Variants in ROCK2 observed in about 807,000 individuals in gnomAD.
ROCK2 encodes the protein rho-associated protein kinase 2.
A neutral mutation model predicts 195.1 loss-of-function variants in ROCK2; 61 were observed. The ratio of observed to expected loss-of-function variants is 0.31; its 90% CI spans 0.25 to 0.39. The LOEUF (loss-of-function observed/expected upper bound fraction) is 0.39. Among genes scored for constraint, ROCK2 ranks in the 10% least tolerant of loss-of-function variants. The probability of loss-of-function intolerance (pLI) is 1.00; values close to 1 mark genes in which losing one functional copy is unlikely to be tolerated. For synonymous variants in ROCK2, 504 were observed against 545.5 expected (o/e 0.92, Z 1.06); for missense variants, 1,109 against 1,637.4 (o/e 0.68, Z 5.57).
intron 32 of ROCK2, among the ~76,000 whole-genome samples, chr2:11,189,385 G>A (rs1168361751): frequency 6.6e-6 from 1 of 152,138 alleles, no homozygotes; most frequent in Non-Finnish European, 1.5e-5. Flanking sequence ...CTTTAGTCCA[G>A]TAGAATGTTA....
At chr2:11,306,598 C>A (rs1247558515) in intron 1 of ROCK2, among the ~76,000 whole-genome samples, 2 of 152,144 alleles carry the variant, frequency 1.3e-5, no homozygotes, top group Non-Finnish European at 2.9e-5. Context: ...CCTTTAAACA[C>A]AAGGGATTTA....
rs1306593128 is a variant in ROCK2 at position 11,192,666 on chromosome 2, G to A, written c.3734C>T (p.Pro1245Leu). 3 of 1,613,778 alleles carry A rather than the reference G, an allele frequency of 1.9e-6. No homozygotes were observed. Among genetic ancestry groups the A allele is most frequent in the East Asian group, 4.5e-5 (2 of 44,876 alleles). ...AGATTTTTCTCCAACTGGCTCCACT[G>A]GAAATTCTTGTTCCTTCTTACTTTC... ...EGESKKEQEF[P>L]VEPVGEKSNY... The change falls in exon 31 of 33, where the codon CCA (proline) becomes CTA (leucine). Residue 1245 changes from proline to leucine, a missense_variant. By Grantham distance (98) the Pro-to-Leu change is moderately conservative. Around this residue, in one of 6 missense-constraint regions of ROCK2, gnomAD observed 221 missense variants for 355.1 expected, o/e 0.62. Transcript: ENST00000315872. The surrounding 1 kb of genome is among the most constrained non-coding windows in gnomAD (Gnocchi z 5.0).
intron 4 of ROCK2, among the ~76,000 whole-genome samples, chr2:11,244,505 A>G (rs373634949): frequency 3.9e-5 from 6 of 152,258 alleles, no homozygotes; most frequent in South Asian, 2.1e-4. Flanking sequence ...GCTCATGTCT[A>G]TAATAATCCC....
rs965392252 is a variant in ROCK2 at position 11,219,014 on chromosome 2, G to A, written c.1272C>T (p.Asp424=). ...AATCAGTTTCTCTACAAGATGGAGA[G>A]TCACTTAATAATCTACATGGAAGGG... ...TYYRENLLLS[D]SPSCRETDSI... is the part of the protein sequence containing the mutation. The change falls in exon 10 of 33, where the codon GAC becomes GAT. Residue 424 remains aspartate, a synonymous_variant. Transcript: ENST00000315872. 3 of 1,468,772 alleles carry A rather than the reference G, an allele frequency of 2.0e-6. No individual in the cohort carries two copies. The African/African-American group carries it at 4.2e-5, about 20-fold the overall frequency. The allele number at this position is 1,468,772 out of a possible 1,614,324, so 91.0% of individuals were successfully genotyped here. A position where few individuals can be genotyped will look rare whatever the true frequency, so the allele number is the denominator to read the frequency against.
intron 1 of ROCK2, among the ~76,000 whole-genome samples, chr2:11,292,750 T>G (rs1344127432): frequency 6.6e-6 from 1 of 152,192 alleles, no homozygotes; most frequent in African/African-American, 2.4e-5. Context: ...CACAAATACA[T>G]AACTAAAATA....
In ROCK2 at chr2:11,285,963, G is replaced by T. The variant is rs6748868; in HGVS notation, c.324+576C>A. Among the ~76,000 whole-genome samples the T allele has an allele frequency of 6.7e-3, 1,016 of 151,802 alleles. 14 individuals carry two copies. Among genetic ancestry groups the T allele is most frequent in the African/African-American group, 0.023 (965 of 41,432 alleles). On this transcript the variant is annotated intron_variant, in intron 3 of 32. Transcript: ENST00000315872. ...CTTTTCTTAGTGCTCCATCAAGAGG[G>T]GTAAACGCTGTAGTGTGAAGAAGAG...
chr2:11,289,032 T>A (rs781101274), intron 1 of ROCK2, among the ~76,000 whole-genome samples: 13 of 152,200 alleles, frequency 8.5e-5, no homozygotes, highest in Non-Finnish European at 1.8e-4. Flanking sequence ...GTTAACACTT[T>A]GTGAAAATAT....
Position 11,202,087 on chromosome 2 carries a change from G to A in ROCK2, c.2584C>T (p.Leu862Phe). The A allele has an allele frequency of 6.2e-7, 1 of 1,613,818 alleles. No individual in the cohort carries two copies. The highest frequency in any genetic ancestry group is 2.2e-5 in the East Asian group (1 of 44,870). The change falls in exon 21 of 33, where the codon CTC becomes TTC. Residue 862 changes from leucine to phenylalanine, a missense_variant. By Grantham distance (22) the Leu-to-Phe change is conservative (BLOSUM62 0). Transcript: ENST00000315872. ...RQDADGQMKE[L>F]QDQLEAEQYF... is the part of the protein sequence containing the mutation. ...TGTTCTGCTTCGAGCTGATCCTGGA[G>A]CTCTTTCATTTGCCCATCTGCATCC...
At chr2:11,258,796 T>C (rs561097696) in intron 3 of ROCK2, among the ~76,000 whole-genome samples, 1 of 150,902 alleles carries the variant, frequency 6.6e-6, no homozygotes, top group Admixed American at 6.6e-5. Flanking sequence ...AGTCTAGGGC[T>C]AAGGTATATG....
At chr2:11,237,655 A>G (rs914999642) in intron 4 of ROCK2, among the ~76,000 whole-genome samples, 4 of 152,246 alleles carry the variant, frequency 2.6e-5, no homozygotes, top group South Asian at 2.1e-4. Flanking sequence ...CTATATCTTC[A>G]AAGTTTTGAG....
Position 11,214,931 on chromosome 2 carries a change from T to C in ROCK2, c.1845A>G (p.Lys615=). Reference sequence around the variant, plus strand: ...GAAGATTGATAAATTCCTTTTCAAGTTTTAACTTGGCAGTCTCCAGCAGGC... The same window carrying C: ...GAAGATTGATAAATTCCTTTTCAAGCTTTAACTTGGCAGTCTCCAGCAGGC... The part of the protein sequence containing the change: ...KNCLLETAKL[K]LEKEFINLQS... Residue 615 remains lysine (K), a synonymous_variant, in exon 16 of 33, where the codon AAA becomes AAG. Transcript: ENST00000315872. 6.2e-7 allele frequency: 1 copy of C among 1,614,116 alleles called. No individual in the cohort carries two copies. Among genetic ancestry groups the C allele is most frequent in the Non-Finnish European group, 8.5e-7 (1 of 1,179,984 alleles).
At chr2:11,268,217 G>A (rs1284236979) in intron 3 of ROCK2, among the ~76,000 whole-genome samples, 1 of 152,120 alleles carries the variant, frequency 6.6e-6, no homozygotes, top group East Asian at 1.9e-4. Context: ...AACCTGAGCT[G>A]TAACTGACAA....
At chr2:11,296,004 A>AGAGGAGAGAGAGAGAGAGGGGAGAGGG (rs1667514504) in intron 1 of ROCK2, among the ~76,000 whole-genome samples, 1 of 32,816 alleles carries the variant, frequency 3.0e-5, no homozygotes, top group Non-Finnish European at 5.7e-5. Context: ...AGAGAGAGAG[A>AGAGGAGAGAGAGAGAGAGGGGAGAGGG]GGAGAGAGAG....
rs1669196651 is a variant in ROCK2, at chr2:11,343,992, C to G, written c.141+4G>C. The G allele has an allele frequency of 1.9e-6, 3 of 1,587,298 alleles. No homozygotes were observed. The East Asian group carries it at 7.5e-5, about 40-fold the overall frequency. ...GAGCAAGCTCCCAGGCCCCGGCCAC[C>G]TACCAGCAAGCTCTCCACGTTGATG... On this transcript the variant is annotated splice_donor_region_variant and intron_variant, in intron 1 of 32. Coordinates refer to ENST00000315872, the MANE Select transcript of ROCK2 (RefSeq NM_004850.5).
chr2:11,229,161 T>G (rs1664913776), intron 5 of ROCK2, among the ~76,000 whole-genome samples: 1 of 152,150 alleles, frequency 6.6e-6, no homozygotes, highest in Non-Finnish European at 1.5e-5. Context: ...TAGTAATTAC[T>G]AATAGTAAAC....
chr2:11,276,385 TAAAC>T (rs1381202040), intron 3 of ROCK2, among the ~76,000 whole-genome samples: 3 of 152,056 alleles, frequency 2.0e-5, no homozygotes, highest in African/African-American at 7.2e-5. Flanking sequence ...ACACTAAAAA[TAAAC>T]AATCTAAAAT....
chr2:11,309,800 T>C lies in ROCK2; in HGVS notation c.142-22064A>G, dbSNP rs138207356. On this transcript the variant is annotated intron_variant, in intron 1 of 32. Coordinates refer to ENST00000315872, the MANE Select transcript of ROCK2 (RefSeq NM_004850.5). ...TTTGAGACCAGTCTGGGAAATGTGA[T>C]GAAACCCTGTCTCTACAAAATATAC... is the stretch of plus-strand genomic sequence containing the variant. Among the ~76,000 whole-genome samples the C allele has an allele frequency of 7.5e-4, 114 of 152,194 alleles. 2 individuals are homozygous for C. Among genetic ancestry groups the C allele is most frequent in the Admixed American group, 6.9e-3 (106 of 15,286 alleles).
intron 3 of ROCK2, among the ~76,000 whole-genome samples, chr2:11,268,600 T>C (rs1303823751): frequency 1.3e-5 from 2 of 151,948 alleles, no homozygotes; most frequent in Non-Finnish European, 2.9e-5. Flanking sequence ...GCCCTTTGAA[T>C]ATATTGGCCC....
chr2:11,261,540 C>T (rs994991470), intron 3 of ROCK2, among the ~76,000 whole-genome samples: 4 of 152,146 alleles, frequency 2.6e-5, no homozygotes, highest in Non-Finnish European at 4.4e-5. Context: ...ATGGATTTGC[C>T]GGGCTTGGTG....
Sources: gnomAD v4.1 joint callset for allele counts (sites outside exome capture counted in the v4.1 genomes callset) on GRCh38, gnomAD v4.1.1 for gene constraint, gnomAD v4.1.1 regional missense constraint, Gnocchi (gnomAD v3.1) non-coding constraint, MANE v1.5 for transcripts, NCBI Gene and HGNC (gene_info 2026-07-23, HGNC 2026-07-21) for gene names.